GPC5: variants seen among roughly 807,000 people sequenced by gnomAD.
The protein encoded by GPC5 is glypican 5.
A neutral mutation model predicts 53.9 loss-of-function variants in GPC5; 47 were observed. That is an observed-to-expected ratio of 0.87 (90% CI 0.69 to 1.11). GPC5 has a LOEUF of 1.11. Among genes scored for constraint, GPC5 ranks in the 50% most tolerant of loss-of-function variants. The pLI is 0.00. For synonymous variants in GPC5, 286 were observed against 263.3 expected, an observed-to-expected ratio of 1.09 and a Z score of -0.84; for missense variants, 748 against 713.1, an observed-to-expected ratio of 1.05 and a Z score of -0.56.
At chr13:92,229,458 A>G (rs2042513982) in intron 7 of GPC5, among the ~76,000 whole-genome samples, 1 of 152,114 alleles carries the variant, frequency 6.6e-6, no homozygotes, top group Non-Finnish European at 1.5e-5. Flanking sequence ...TCTATACTTA[A>G]TATTCCTAAT....
chr13:92,591,120 G>A (rs1456551309), intron 7 of GPC5, among the ~76,000 whole-genome samples: 1 of 152,092 alleles, frequency 6.6e-6, no homozygotes, highest in East Asian at 1.9e-4. Context: ...TTTATATGCT[G>A]ATTGGGAAAA....
In GPC5 at chr13:91,439,657, A is replaced by T. The variant is rs1231695933; in HGVS notation, c.164-9104A>T. Among the ~76,000 whole-genome samples, 8 of 152,014 alleles carry T rather than the reference A, an allele frequency of 5.3e-5. 1 individual carries two copies. The South Asian group carries it at 8.3e-4, about 16-fold the overall frequency. On this transcript the variant is annotated intron_variant, in intron 1 of 7. Transcript: ENST00000377067. ...TTTCTCTTGATGGTACTCATAATTT[A>T]TGCAGTTTCTCAGGCTAAAATCTAA... is the stretch of plus-strand genomic sequence containing the variant.
intron 7 of GPC5, among the ~76,000 whole-genome samples, chr13:92,176,264 C>CT (rs2042108716): frequency 6.6e-6 from 1 of 152,186 alleles, no homozygotes; most frequent in Non-Finnish European, 1.5e-5. Flanking sequence ...TTAAGGAGTT[C>CT]TGTTGTATGC....
intron 2 of GPC5, among the ~76,000 whole-genome samples, chr13:91,504,612 G>A (rs1237433317): frequency 6.6e-6 from 1 of 152,124 alleles, no homozygotes; most frequent in East Asian, 1.9e-4. Context: ...CGTAACCTTA[G>A]GAATTAATAT....
chr13:91,689,850 A>G (rs919719853), intron 2 of GPC5, among the ~76,000 whole-genome samples: 3 of 149,688 alleles, frequency 2.0e-5, no homozygotes, highest in African/African-American at 7.7e-5. Flanking sequence ...GGTTAACTTA[A>G]AAAAAATCAG....
At chr13:92,555,869 T>C (rs1254381026) in intron 7 of GPC5, among the ~76,000 whole-genome samples, 2 of 151,048 alleles carry the variant, frequency 1.3e-5, no homozygotes, top group African/African-American at 4.8e-5. Context: ...ATTAGAGTAA[T>C]ATATTAGAGT....
intron 6 of GPC5, among the ~76,000 whole-genome samples, chr13:92,117,235 A>G (rs1339642450): frequency 6.6e-6 from 1 of 152,174 alleles, no homozygotes; most frequent in African/African-American, 2.4e-5. Context: ...TAGTTCTAGC[A>G]CCATTTGTTG....
At chr13:92,059,831 T>A (rs891214059) in intron 6 of GPC5, 3 of 151,972 alleles carry the variant, frequency 2.0e-5, no homozygotes, top group Non-Finnish European at 4.4e-5. Flanking sequence ...TTAGGTGAAG[T>A]TCACATAAGT....
chr13:92,271,972 A>G (rs111472452), intron 7 of GPC5, among the ~76,000 whole-genome samples: 254 of 152,330 alleles, frequency 1.7e-3, no homozygotes, highest in African/African-American at 5.9e-3. Flanking sequence ...TAATAGGATG[A>G]CGGGAGTCAA....
intron 6 of GPC5, among the ~76,000 whole-genome samples, chr13:92,065,429 G>A (rs184650502): frequency 6.6e-6 from 1 of 152,098 alleles, no homozygotes; most frequent in Admixed American, 6.5e-5. Context: ...AGAAATAATT[G>A]GTTTTTTAAA....
At chr13:92,072,991 T>A (rs1207342893) in intron 6 of GPC5, among the ~76,000 whole-genome samples, 6 of 151,956 alleles carry the variant, frequency 3.9e-5, no homozygotes, top group Admixed American at 2.0e-4. Context: ...TTATTTTATT[T>A]GGGATTTTGG....
chr13:91,571,847 A>ATG (rs758761473), intron 2 of GPC5, among the ~76,000 whole-genome samples: 2,066 of 80,510 alleles, frequency 0.026, 284 homozygotes, highest in African/African-American at 0.051. Flanking sequence ...ACTTGTGTGT[A>ATG]TATACACATA....
chr13:91,440,333 A>G (rs1382202681), intron 1 of GPC5, among the ~76,000 whole-genome samples: 4 of 152,108 alleles, frequency 2.6e-5, no homozygotes, highest in South Asian at 2.1e-4. Flanking sequence ...TTCAGATCAC[A>G]TATTTTCTGC....
chr13:91,706,789 G>T (rs1289355529), intron 3 of GPC5, among the ~76,000 whole-genome samples: 2 of 151,352 alleles, frequency 1.3e-5, no homozygotes, highest in African/African-American at 4.8e-5. Flanking sequence ...TGAATAAAGG[G>T]CAAAAACAAA....
chr13:91,910,027 C>T (rs1396450880), intron 6 of GPC5, among the ~76,000 whole-genome samples: 7 of 152,134 alleles, frequency 4.6e-5, no homozygotes, highest in Non-Finnish European at 8.8e-5. Flanking sequence ...ATATCAAATA[C>T]AATGCTACCT....
rs557980579 is a variant in GPC5 at position 91,973,880 on chromosome 13, G to A, written c.1401+65823G>A. Among the ~76,000 whole-genome samples the A allele has an allele frequency of 1.6e-3, 244 of 152,286 alleles. 1 individual carries two copies. Among genetic ancestry groups the A allele is most frequent in the African/African-American group, 5.5e-3 (228 of 41,544 alleles). ...AGAGGAGTACCCGGCCGTGTGAGGT[G>A]TCAGTCTGCCCCTACAGGGGGATGC... On this transcript the variant is annotated intron_variant, in intron 6 of 7. Coordinates refer to ENST00000377067, the MANE Select transcript of GPC5 (RefSeq NM_004466.6).
At chr13:92,849,517 A>G (rs1220563040) in intron 7 of GPC5, among the ~76,000 whole-genome samples, 1 of 152,190 alleles carries the variant, frequency 6.6e-6, no homozygotes, top group Non-Finnish European at 1.5e-5. Flanking sequence ...TTCTTCACTT[A>G]CTGAAGTAAA....
chr13:92,501,019 TAAC>T (rs143207017), intron 7 of GPC5, among the ~76,000 whole-genome samples: 2,615 of 152,052 alleles, frequency 0.017, 68 homozygotes, highest in African/African-American at 0.06. Flanking sequence ...CATAAGATAA[TAAC>T]AAGACCCAGA....
Position 92,614,595 on chromosome 13 carries a change from C to T in GPC5, c.1562-251687C>T, listed in dbSNP as rs75814232. The stretch of plus-strand genomic sequence containing the variant: ...CTGCTTTTGGGCAGAGAAAACCATC[C>T]GCTTACTACAGTGAATAATTCAAAT... On this transcript the variant is annotated intron_variant, in intron 7 of 7. Transcript: ENST00000377067. 4.3e-4 allele frequency among the ~76,000 whole-genome samples: 66 copies of T among 152,228 alleles called. 1 individual carries two copies. The highest frequency in any genetic ancestry group is 3.4e-3 in the Middle Eastern group (1 of 294).
Sources: gnomAD v4.1 joint callset for allele counts (sites outside exome capture counted in the v4.1 genomes callset) on GRCh38, gnomAD v4.1.1 for gene constraint, MANE v1.5 for transcripts, NCBI Gene and HGNC (gene_info 2026-07-23, HGNC 2026-07-21) for gene names.